A2M: variants seen among roughly 807,000 people sequenced by gnomAD.
A2M encodes alpha-2-macroglobulin.
A neutral mutation model predicts 183.9 loss-of-function variants in A2M; 128 were observed. The ratio of observed to expected loss-of-function variants is 0.70; its 90% CI spans 0.60 to 0.81. The LOEUF (loss-of-function observed/expected upper bound fraction) is 0.81. A2M is among the 30% of genes least tolerant of loss of function. The pLI is 0.00. For missense variants in A2M, 1,495 were observed against 1,787.6 expected (o/e 0.84, Z 2.95); for synonymous variants, 592 against 670.8 (o/e 0.88, Z 1.81).
At chr12:9,078,774 A>T (rs1948821931) in intron 25 of A2M, among the ~76,000 whole-genome samples, 1 of 152,220 alleles carries the variant, frequency 6.6e-6, no homozygotes, top group African/African-American at 2.4e-5. Flanking sequence ...CATGCAGTAA[A>T]TTTTAATATT....
chr12:9,077,588 G>T, intron 26 of A2M, 113 bp downstream of exon 26: 1 of 1,524,520 alleles, frequency 6.6e-7, no homozygotes, highest in Non-Finnish European at 8.9e-7. Context: ...GTGCCATCCA[G>T]GTTTTATTTT....
chr12:9,104,538 C>T (rs780025627), intron 10 of A2M, 138 bp from the exon 11 acceptor site: 62 of 732,670 alleles, frequency 8.5e-5, no homozygotes, highest in African/African-American at 5.0e-4. Flanking sequence ...TGAAAAAAAA[C>T]GAAGTTTCTT....
chr12:9,084,639 A>G (rs1949002317), intron 22 of A2M, among the ~76,000 whole-genome samples: 1 of 152,188 alleles, frequency 6.6e-6, no homozygotes, highest in South Asian at 2.1e-4. Context: ...CAAAACAACC[A>G]GAAAACAACA....
intron 8 of A2M, among the ~76,000 whole-genome samples, chr12:9,107,037 A>G (rs1938346534): frequency 6.6e-6 from 1 of 152,190 alleles, no homozygotes; most frequent in African/African-American, 2.4e-5. Flanking sequence ...TCCACTTGCT[A>G]TTTTGAAATA....
In A2M at chr12:9,068,848, A is replaced by G; in HGVS notation, c.4264-6T>C. 6.3e-7 allele frequency: 1 copy of G among 1,578,958 alleles called. No individual in the cohort carries two copies. The highest frequency in any genetic ancestry group is 8.6e-7 in the Non-Finnish European group (1 of 1,161,234). ...CTCAGTGTCTGATTTGACACCTGGAAAGCAAAAGTCAATTAAATGACCTTT... is the reference window on the plus strand; with the variant it reads ...CTCAGTGTCTGATTTGACACCTGGAGAGCAAAAGTCAATTAAATGACCTTT... On this transcript the variant is annotated splice_region_variant and splice_polypyrimidine_tract_variant and intron_variant, in intron 33 of 35. Transcript: ENST00000318602.
At chr12:9,102,726 C>T (rs11833184) in intron 11 of A2M, among the ~76,000 whole-genome samples, 2,438 of 152,220 alleles carry the variant, frequency 0.016, 68 homozygotes, top group African/African-American at 0.056. Context: ...GGTGACAACA[C>T]ATATATGATC....
chr12:9,107,079 C>T (rs1938349988), intron 8 of A2M, among the ~76,000 whole-genome samples: 1 of 152,126 alleles, frequency 6.6e-6, no homozygotes, highest in Non-Finnish European at 1.5e-5. Flanking sequence ...CATTAGAACT[C>T]CTCATCAAAG....
chr12:9,106,368 G>C (rs370209075), intron 9 of A2M, 23 bp from the exon 10 acceptor site: 15 of 1,540,742 alleles, frequency 9.7e-6, no homozygotes, highest in Non-Finnish European at 1.3e-5. Flanking sequence ...AAAAAAATCT[G>C]TTATTTTTGG....
chr12:9,068,688 A>G (rs1948468798), intron 34 of A2M, 52 bp downstream of exon 34: 1 of 1,408,324 alleles, frequency 7.1e-7, no homozygotes, highest in Middle Eastern at 1.7e-4. Flanking sequence ...CTAAACCTGA[A>G]TTTCTGTGAT....
chr12:9,096,959 G>A (rs1030622477), intron 15 of A2M, among the ~76,000 whole-genome samples: 2 of 152,140 alleles, frequency 1.3e-5, no homozygotes, highest in Non-Finnish European at 2.9e-5. Flanking sequence ...ACTAGTAGCA[G>A]CAAAGTGTTT....
At chr12:9,110,982 A>G (rs1234764228) in intron 4 of A2M, among the ~76,000 whole-genome samples, 1 of 152,230 alleles carries the variant, frequency 6.6e-6, no homozygotes, top group Non-Finnish European at 1.5e-5. Flanking sequence ...AGGTTGAGAA[A>G]TAAACACTTA....
chr12:9,112,293 A>AT (rs1938793397), intron 3 of A2M, 82 bp from the exon 4 acceptor site: 1 of 1,605,526 alleles, frequency 6.2e-7, no homozygotes, highest in South Asian at 1.1e-5. Flanking sequence ...AGGAACCAAG[A>AT]TTATAGGAAC....
Position 9,115,852 on chromosome 12 carries a change from T to A in A2M, c.-3A>T. ...TGAAGGAGTTTGTTCTTCCCCATGT[T>A]GCAGAAAGAAGGAGCTGGAGGAGAA... On this transcript the variant is annotated 5_prime_UTR_variant, in exon 1 of 36. Coordinates refer to ENST00000318602, the MANE Select transcript of A2M (RefSeq NM_000014.6). The A allele has an allele frequency of 6.2e-7, 1 of 1,612,648 alleles. No homozygotes were observed. Among genetic ancestry groups the A allele is most frequent in the East Asian group, 2.2e-5 (1 of 44,864 alleles).
intron 17 of A2M, among the ~76,000 whole-genome samples, chr12:9,094,096 G>A (rs889087927): frequency 6.6e-6 from 1 of 151,962 alleles, no homozygotes; most frequent in Non-Finnish European, 1.5e-5. Flanking sequence ...AGGCCGTGAA[G>A]AGGGGCAGGA....
intron 22 of A2M, 161 bp from the exon 23 acceptor site, chr12:9,080,338 G>A (rs1000078744): frequency 3.2e-5 from 13 of 405,656 alleles, no homozygotes; most frequent in Non-Finnish European, 5.7e-5. Flanking sequence ...TCTTAAAAAT[G>A]GGCTACTGGT....
At chr12:9,116,053 C>T, upstream of A2M, 1 of 592,894 alleles carries the variant, frequency 1.7e-6, no homozygotes, top group Non-Finnish European at 3.1e-6. Flanking sequence ...TATTTATAGT[C>T]AAGGTTAATT....
chr12:9,104,112 C>T (rs226390), intron 11 of A2M, 127 bp downstream of exon 11: 448,015 of 907,918 alleles, frequency 0.49, 117,004 homozygotes, highest in African/African-American at 0.76. Flanking sequence ...AACCTTCAAT[C>T]GGTTTCTAAT....
chr12:9,110,065 A>C lies in A2M; in HGVS notation c.505-30T>G. 1.9e-6 allele frequency: 3 copies of C among 1,585,866 alleles called. No homozygotes were observed. In the East Asian group the frequency reaches 6.7e-5, roughly 35 times the overall value. The stretch of plus-strand genomic sequence containing the variant: ...ATGAGTAAATTAATTATAACTTACA[A>C]AAGCACCTGGAGCATTGGAGCTAAT... On this transcript the variant is annotated intron_variant, in intron 5 of 35. Transcript: ENST00000318602.
At chr12:9,094,946 A>G (rs1221013197) in intron 17 of A2M, 27 bp downstream of exon 17, 1 of 1,229,972 alleles carries the variant, frequency 8.1e-7, no homozygotes, top group African/African-American at 1.5e-5. Flanking sequence ...ATATTAGGCA[A>G]TATATATTTA....
Sources: gnomAD v4.1 joint callset for allele counts (sites outside exome capture counted in the v4.1 genomes callset) on GRCh38, gnomAD v4.1.1 for gene constraint, MANE v1.5 for transcripts, NCBI Gene and HGNC (gene_info 2026-07-23, HGNC 2026-07-21) for gene names.